COL21A1: variants seen among roughly 807,000 people sequenced by gnomAD.
COL21A1 encodes collagen type XXI alpha 1 chain, also known as collagen alpha-1(XXI) chain.
COL21A1 carries 149 observed loss-of-function variants against 137.9 expected under a neutral mutation model. The ratio of observed to expected loss-of-function variants is 1.08; its 90% CI spans 0.95 to 1.24. The LOEUF (loss-of-function observed/expected upper bound fraction) is 1.24. Among genes scored for constraint, COL21A1 ranks in the 50% most tolerant of loss-of-function variants. COL21A1 has a pLI of 0.00. For synonymous variants in COL21A1, 456 were observed against 391.5 expected, an observed-to-expected ratio of 1.16 and a Z score of -1.95; for missense variants, 1,167 against 1,158.4, an observed-to-expected ratio of 1.01 and a Z score of -0.11.
At chr6:56,173,466 T>C (rs780422850) in intron 3 of COL21A1, among the ~76,000 whole-genome samples, 1 of 150,882 alleles carries the variant, frequency 6.6e-6, no homozygotes, top group African/African-American at 2.4e-5. Context: ...AAAAGAGAAA[T>C]GAAAAGGACT....
chr6:56,384,829 T>C (rs2094014866), intron 1 of COL21A1, among the ~76,000 whole-genome samples: 3 of 152,242 alleles, frequency 2.0e-5, no homozygotes, highest in South Asian at 2.1e-4. Context: ...CAAACTTTTA[T>C]AAGCACTATG....
intron 17 of COL21A1, among the ~76,000 whole-genome samples, chr6:56,082,769 C>G (rs759448261): frequency 6.6e-6 from 1 of 151,654 alleles, no homozygotes; most frequent in Non-Finnish European, 1.5e-5. Context: ...AGAAAACACA[C>G]TAATAAGTGA....
At chr6:56,343,951 C>CA (rs1259087291) in intron 1 of COL21A1, among the ~76,000 whole-genome samples, 1 of 151,982 alleles carries the variant, frequency 6.6e-6, no homozygotes, top group African/African-American at 2.4e-5. Context: ...GTCTCACACA[C>CA]ACAAAAATGT....
intron 1 of COL21A1, among the ~76,000 whole-genome samples, chr6:56,362,994 A>G (rs1406046197): frequency 6.6e-6 from 1 of 152,112 alleles, no homozygotes; most frequent in African/African-American, 2.4e-5. Flanking sequence ...CTGAATCTCC[A>G]TCAGGGCCAG....
At position 56,060,760 on chromosome 6, in the gene COL21A1, A is replaced by G. The variant is rs1365717688; in HGVS notation, c.2388T>C (p.Val796=). ...REFSEQFIRQ[V]CTDVIRAQLP... ...ACCTACCTCTTATTACATCTGTGCA[A>G]ACTTGTCGAATAAATTGTTCTGAAA... Residue 796 remains valine, a synonymous_variant, in exon 27 of 30, where the codon GTT becomes GTC. Transcript: ENST00000244728. 1.2e-6 allele frequency: 2 copies of G among 1,609,480 alleles called. No individual in the cohort carries two copies. The highest frequency in any genetic ancestry group is 1.7e-6 in the Non-Finnish European group (2 of 1,178,818).
intron 17 of COL21A1, among the ~76,000 whole-genome samples, chr6:56,094,460 A>T (rs1769143670): frequency 1.3e-5 from 2 of 152,142 alleles, no homozygotes; most frequent in Non-Finnish European, 2.9e-5. Flanking sequence ...AGCCCTCACT[A>T]TCAATCTTTA....
intron 16 of COL21A1, among the ~76,000 whole-genome samples, chr6:56,111,188 A>G (rs1377726256): frequency 2.6e-5 from 4 of 151,696 alleles, no homozygotes; most frequent in Admixed American, 2.0e-4. Flanking sequence ...TCTAATCATG[A>G]GGAAAGCATG....
intron 29 of COL21A1, 59 bp downstream of exon 29, chr6:56,059,106 G>T (rs1765569814): frequency 1.6e-6 from 2 of 1,280,930 alleles, no homozygotes; most frequent in East Asian, 2.4e-5. Flanking sequence ...ATAGATCTAT[G>T]ATGACTTTTC....
intron 2 of COL21A1, among the ~76,000 whole-genome samples, chr6:56,181,399 GTTTTTT>G (rs141961710): frequency 6.9e-6 from 1 of 145,926 alleles, no homozygotes; most frequent in Non-Finnish European, 1.5e-5. Context: ...TTTGTTTTTT[GTTTTTT>G]TTTTGCAGGG....
intron 17 of COL21A1, among the ~76,000 whole-genome samples, chr6:56,080,969 AG>A (rs1767708150): frequency 6.6e-6 from 1 of 151,826 alleles, no homozygotes; most frequent in Non-Finnish European, 1.5e-5. Flanking sequence ...TCCTAATAGC[AG>A]ATCCACTCCA....
chr6:56,259,636 C>T (rs1032030138), intron 1 of COL21A1, among the ~76,000 whole-genome samples: 1 of 152,226 alleles, frequency 6.6e-6, no homozygotes, highest in African/African-American at 2.4e-5. Flanking sequence ...CCAATATAGT[C>T]TTCTCTGAAT....
chr6:56,079,480 T>C (rs1334080084), intron 17 of COL21A1, among the ~76,000 whole-genome samples: 1 of 151,612 alleles, frequency 6.6e-6, no homozygotes, highest in Non-Finnish European at 1.5e-5. Context: ...TTCACATCCT[T>C]TCCCTGGAGA....
intron 17 of COL21A1, among the ~76,000 whole-genome samples, chr6:56,084,862 G>A (rs1768094052): frequency 6.6e-6 from 1 of 152,040 alleles, no homozygotes; most frequent in Non-Finnish European, 1.5e-5. Flanking sequence ...CAATACTGGG[G>A]AGATCTTAAT....
intron 17 of COL21A1, among the ~76,000 whole-genome samples, chr6:56,083,261 C>A (rs1302112968): frequency 6.6e-6 from 1 of 151,888 alleles, no homozygotes; most frequent in African/African-American, 2.4e-5. Context: ...CCAAGGTAGC[C>A]ATTTTCTTAC....
chr6:56,191,286 C>T (rs1778654428), intron 1 of COL21A1, among the ~76,000 whole-genome samples: 1 of 152,096 alleles, frequency 6.6e-6, no homozygotes, highest in South Asian at 2.1e-4. Flanking sequence ...GTGCAAAAAG[C>T]ACAAGTATTC....
intron 1 of COL21A1, among the ~76,000 whole-genome samples, chr6:56,324,750 C>G (rs1328807641): frequency 1.3e-5 from 2 of 151,936 alleles, no homozygotes; most frequent in African/African-American, 4.8e-5. Context: ...AACATACTAC[C>G]CAAATCATTG....
At chr6:56,322,848 C>T (rs1056202586) in intron 1 of COL21A1, among the ~76,000 whole-genome samples, 3 of 145,578 alleles carry the variant, frequency 2.1e-5, no homozygotes, top group Non-Finnish European at 4.5e-5. Flanking sequence ...AATCTGATAA[C>T]CCAGAGGTCG....
intron 17 of COL21A1, among the ~76,000 whole-genome samples, chr6:56,100,341 C>CT (rs1770342986): frequency 6.6e-6 from 1 of 152,180 alleles, no homozygotes; most frequent in African/African-American, 2.4e-5. Flanking sequence ...TATACTCTTT[C>CT]AGCACTTAGA....
At chr6:56,211,996 A>C (rs1342443127) in intron 1 of COL21A1, among the ~76,000 whole-genome samples, 1 of 152,130 alleles carries the variant, frequency 6.6e-6, no homozygotes, top group Non-Finnish European at 1.5e-5. Flanking sequence ...CTGGAGAAAA[A>C]GGTGGTATCA....
Sources: allele counts gnomAD v4.1 joint callset (sites outside exome capture counted in the v4.1 genomes callset), GRCh38; gene constraint gnomAD v4.1.1; transcripts MANE v1.5; gene names NCBI Gene and HGNC (gene_info 2026-07-23, HGNC 2026-07-21).